The following ZFP90 variants were observed in gnomAD, a reference collection of about 807,000 sequenced individuals.
ZFP90 encodes the protein ZFP90 zinc finger protein.
ZFP90 carries 38 observed loss-of-function variants against 60.8 expected under a neutral mutation model. That is an observed-to-expected ratio of 0.62 (90% CI 0.48 to 0.82). ZFP90 has a LOEUF of 0.82. ZFP90 is among the 40% of genes least tolerant of loss of function. The pLI, the probability that ZFP90 is intolerant of heterozygous loss-of-function variation, is 0.00. For synonymous variants in ZFP90, 287 were observed against 264.8 expected (o/e 1.08, Z -0.82); for missense variants, 711 against 759.1 (o/e 0.94, Z 0.74).
chr16:68,561,172 G>A (rs941535834), intron 4 of ZFP90, among the ~76,000 whole-genome samples: 7 of 152,194 alleles, frequency 4.6e-5, no homozygotes, highest in African/African-American at 1.7e-4. Context: ...TGGGATTACA[G>A]GCATGAGCCA....
rs1555497723 is a variant in ZFP90 at position 68,540,808 on chromosome 16, C to CAAAGA, written c.33+986_33+987insGAAAA. Among the ~76,000 whole-genome samples the CAAAGA allele has an allele frequency of 3.9e-3, 363 of 92,110 alleles. 39 individuals are homozygous for CAAAGA. Among genetic ancestry groups the CAAAGA allele is most frequent in the Middle Eastern group, 7.8e-3 (1 of 128 alleles). The allele number at this position is 92,110 out of a possible 152,430, so 60.4% of individuals were successfully genotyped here. A position where few individuals can be genotyped will look rare whatever the true frequency, so the allele number is the denominator to read the frequency against. On this transcript the variant is annotated intron_variant, in intron 2 of 4. Transcript: ENST00000563169. ...GCAACATAGTGAGACTCCGTCTCTGCAAAAAAAAAAAAAAAAAAAAAATTT... is the reference window on the plus strand; with the variant it reads ...GCAACATAGTGAGACTCCGTCTCTGCAAAGAAAAAAAAAAAAAAAAAAAAAAATTT...
chr16:68,551,446 G>T (rs928005012), intron 2 of ZFP90, among the ~76,000 whole-genome samples: 1 of 127,118 alleles, frequency 7.9e-6, no homozygotes, highest in Middle Eastern at 6.0e-3. Context: ...TTTGGAGACG[G>T]AATCTTGCTC....
intron 2 of ZFP90, among the ~76,000 whole-genome samples, chr16:68,543,545 C>T (rs1290159306): frequency 7.0e-6 from 1 of 142,490 alleles, no homozygotes; most frequent in Non-Finnish European, 1.5e-5. Context: ...AAACATTATA[C>T]ATCCTTATTT....
chr16:68,535,786 C>T (rs1567388784), upstream of ZFP90: 1 of 152,124 alleles, frequency 6.6e-6, no homozygotes, highest in African/African-American at 2.4e-5. Context: ...TGGGTTTGGG[C>T]TTCTCGGTAT....
chr16:68,564,883 AC>A lies in ZFP90; in HGVS notation c.*186del, dbSNP rs140833105. 1 of 1,370,868 alleles carries A rather than the reference AC, an allele frequency of 7.3e-7. No homozygotes were observed. Among genetic ancestry groups the A allele is most frequent in the African/African-American group, 1.5e-5 (1 of 67,856 alleles). The allele number at this position is 1,370,868 out of a possible 1,614,324, so 84.9% of individuals were successfully genotyped here. On this transcript the variant is annotated 3_prime_UTR_variant, in exon 5 of 5. Transcript: ENST00000563169. ...TAAAGACACATTCTCAGATCTGATTACAGACTAGTGTAAAAACAGCTACATG... is the reference window on the plus strand; with the variant it reads ...TAAAGACACATTCTCAGATCTGATTAAGACTAGTGTAAAAACAGCTACATG...
chr16:68,545,153 A>G (rs1011171593), intron 2 of ZFP90, among the ~76,000 whole-genome samples: 1 of 151,890 alleles, frequency 6.6e-6, no homozygotes, highest in Non-Finnish European at 1.5e-5. Flanking sequence ...TGCTGGGATT[A>G]CAGGCATGAG....
upstream of ZFP90, among the ~76,000 whole-genome samples, chr16:68,535,333 T>G (rs1374663365): frequency 6.6e-6 from 1 of 152,182 alleles, no homozygotes; most frequent in Non-Finnish European, 1.5e-5. Flanking sequence ...CCCTACTCAT[T>G]GTCAAAGTTT....
In ZFP90 at chr16:68,563,592, C is replaced by T; in HGVS notation, c.805C>T (p.Leu269Phe). 1.2e-6 allele frequency: 2 copies of T among 1,614,216 alleles called. No individual in the cohort carries two copies. Among genetic ancestry groups the T allele is most frequent in the Non-Finnish European group, 8.5e-7 (1 of 1,180,032 alleles). ...CGKTFLWKTQ[L>F]TEHQRIHTGE... is the part of the protein sequence containing the mutation. ...GAAAACCTTTCTCTGGAAGACACAG[C>T]TTACTGAGCATCAGAGAATTCACAC... The change falls in exon 5 of 5, where the codon CTT (leucine) becomes TTT (phenylalanine). Residue 269 changes from leucine (L) to phenylalanine (F), a missense_variant. Leu to Phe is a conservative substitution (Grantham distance 22). This residue lies in a region of ZFP90 where 146 missense variants were observed against 201.4 expected (regional missense o/e 0.73). Transcript: ENST00000563169.
Position 68,560,495 on chromosome 16 carries a change from A to G in ZFP90, c.256+1927A>G, listed in dbSNP as rs545114545. Among the ~76,000 whole-genome samples the G allele has an allele frequency of 1.2e-3, 176 of 152,212 alleles. 1 individual carries two copies. Among genetic ancestry groups the G allele is most frequent in the Non-Finnish European group, 2.2e-3 (152 of 68,030 alleles). ...TTGAGGAATATTCCATTGTATGGAT[A>G]TATCACATTTTGTTATTCATCAGTT... is the stretch of plus-strand genomic sequence containing the variant. On this transcript the variant is annotated intron_variant, in intron 4 of 4. Transcript: ENST00000563169.
upstream of ZFP90, chr16:68,535,425 G>T (rs1158213041): frequency 6.6e-6 from 1 of 152,166 alleles, no homozygotes; most frequent in African/African-American, 2.4e-5. Context: ...GGGGTGGGGA[G>T]TGTCTCCTAT....
At chr16:68,562,607 G>T in intron 4 of ZFP90, 1 of 195,626 alleles carries the variant, frequency 5.1e-6, no homozygotes. Flanking sequence ...GATTTTCTCT[G>T]CAGCATTTGG....
chr16:68,535,813 A>G (rs1372070329), upstream of ZFP90, among the ~76,000 whole-genome samples: 2 of 152,140 alleles, frequency 1.3e-5, no homozygotes, highest in Non-Finnish European at 2.9e-5. Context: ...CCAATTTTCT[A>G]GCTCATCAAT....
intron 2 of ZFP90, among the ~76,000 whole-genome samples, chr16:68,544,991 C>T (rs202215778): frequency 1.2e-3 from 180 of 149,772 alleles, no homozygotes; most frequent in Non-Finnish European, 2.1e-3. Context: ...GCGATTCTCC[C>T]GCCTCAGCCT....
chr16:68,543,659 C>G (rs2091093612), intron 2 of ZFP90, among the ~76,000 whole-genome samples: 2 of 151,466 alleles, frequency 1.3e-5, no homozygotes, highest in Admixed American at 6.6e-5. Context: ...CTCCCTGATT[C>G]AAGCTATTTT....
intron 2 of ZFP90, among the ~76,000 whole-genome samples, chr16:68,552,574 A>T (rs1366846968): frequency 6.6e-6 from 1 of 152,096 alleles, no homozygotes; most frequent in Non-Finnish European, 1.5e-5. Flanking sequence ...GCTTGAAGTA[A>T]CGCTTGCCGA....
At position 68,573,247 on chromosome 16, in the gene ZFP90, C is replaced by T. The variant is rs1004998466; in HGVS notation, c.224-2544C>T. Among the ~76,000 whole-genome samples, 7 of 152,308 alleles carry T rather than the reference C, an allele frequency of 4.6e-5. 1 individual carries two copies. The highest frequency in any genetic ancestry group is 2.6e-4 in the Admixed American group (4 of 15,304). On this transcript the variant is annotated intron_variant, in intron 2 of 2. Coordinates refer to the ZFP90 transcript ENST00000573113. ...TGAGACTGGTTAGAGGCAAGGATTGCGTGAGGCCCAAGGGAAACTAGGCTG... is the reference window on the plus strand; with the variant it reads ...TGAGACTGGTTAGAGGCAAGGATTGTGTGAGGCCCAAGGGAAACTAGGCTG...
chr16:68,558,834 T>C (rs2091389690), intron 4 of ZFP90, among the ~76,000 whole-genome samples: 1 of 152,166 alleles, frequency 6.6e-6, no homozygotes, highest in Non-Finnish European at 1.5e-5. Flanking sequence ...CCATATTTCT[T>C]CCCTGAATTG....
intron 2 of ZFP90, among the ~76,000 whole-genome samples, chr16:68,572,242 A>G (rs1203620849): frequency 6.6e-6 from 1 of 152,122 alleles, no homozygotes; most frequent in African/African-American, 2.4e-5. Flanking sequence ...TTTAATGGAT[A>G]AAGGAGTCAA....
At chr16:68,568,057 C>T (rs1268412522), downstream of ZFP90, among the ~76,000 whole-genome samples, 1 of 152,140 alleles carries the variant, frequency 6.6e-6, no homozygotes, top group Non-Finnish European at 1.5e-5. Flanking sequence ...ATTGGTCTCC[C>T]TTTTAAAAAT....
Sources: allele counts gnomAD v4.1 joint callset (sites outside exome capture counted in the v4.1 genomes callset), GRCh38; gene constraint gnomAD v4.1.1; regional missense constraint gnomAD v4.1.1; transcripts MANE v1.5; gene names NCBI Gene and HGNC (gene_info 2026-07-23, HGNC 2026-07-21).